The following RIMS2 variants were observed in gnomAD, a reference collection of about 807,000 sequenced individuals.
RIMS2 encodes regulating synaptic membrane exocytosis 2.
RIMS2 carries 59 observed loss-of-function variants against 174.4 expected under a neutral mutation model. That is an observed-to-expected ratio of 0.34 (90% CI 0.27 to 0.42). RIMS2 has a LOEUF of 0.42. Ranked by LOEUF, RIMS2 falls within the 10% of genes least tolerant of loss-of-function variation. The probability of loss-of-function intolerance (pLI) is 1.00; values close to 1 mark genes in which losing one functional copy is unlikely to be tolerated. For synonymous variants in RIMS2, 606 were observed against 572.5 expected (o/e 1.06, Z -0.84); for missense variants, 1,620 against 1,666.3 (o/e 0.97, Z 0.48).
chr8:104,144,404 A>C (rs1240924790), intron 19 of RIMS2, among the ~76,000 whole-genome samples: 1 of 152,312 alleles, frequency 6.6e-6, no homozygotes, highest in East Asian at 1.9e-4. Flanking sequence ...ATTAGCTAGA[A>C]ATCCATACTG....
chr8:103,524,214 C>T (rs925491358), intron 1 of RIMS2, among the ~76,000 whole-genome samples: 5 of 148,110 alleles, frequency 3.4e-5, no homozygotes, highest in African/African-American at 1.2e-4. Context: ...AAGAAATAGG[C>T]TAAGAAGAAA....
intron 19 of RIMS2, among the ~76,000 whole-genome samples, chr8:104,173,515 T>A (rs987581471): frequency 4.0e-5 from 6 of 151,794 alleles, no homozygotes; most frequent in African/African-American, 1.5e-4. Flanking sequence ...GTTTTGATCA[T>A]GAGAGTTTCC....
chr8:104,018,343 A>G (rs991264740), intron 19 of RIMS2, among the ~76,000 whole-genome samples: 42 of 152,212 alleles, frequency 2.8e-4, no homozygotes, highest in Non-Finnish European at 5.9e-5. Flanking sequence ...ACAATTTTAC[A>G]TAAGACTTTA....
intron 3 of RIMS2, among the ~76,000 whole-genome samples, chr8:103,794,703 C>T (rs1206146540): frequency 2.0e-5 from 3 of 152,138 alleles, no homozygotes; most frequent in Non-Finnish European, 4.4e-5. Context: ...GGGCTAATAT[C>T]CAGAATCTAC....
At chr8:104,044,948 G>A (rs188530999) in intron 19 of RIMS2, among the ~76,000 whole-genome samples, 1 of 151,902 alleles carries the variant, frequency 6.6e-6, no homozygotes. Context: ...TTTAGAAAAG[G>A]AAGCAGTAAA....
intron 19 of RIMS2, among the ~76,000 whole-genome samples, chr8:104,102,022 T>C (rs1273938515): frequency 6.6e-6 from 1 of 152,134 alleles, no homozygotes; most frequent in African/African-American, 2.4e-5. Flanking sequence ...CTTCACTATC[T>C]ACACGTATTA....
intron 2 of RIMS2, among the ~76,000 whole-genome samples, chr8:103,703,382 C>T (rs1408433012): frequency 2.0e-5 from 3 of 152,016 alleles, no homozygotes; most frequent in Non-Finnish European, 2.9e-5. Flanking sequence ...GGATTACAGT[C>T]GTACACCACC....
At chr8:104,190,173 A>G (rs368043550) in intron 19 of RIMS2, among the ~76,000 whole-genome samples, 2 of 152,042 alleles carry the variant, frequency 1.3e-5, no homozygotes, top group East Asian at 1.9e-4. Flanking sequence ...GTGGTGGTAC[A>G]TGGCTGTAGA....
chr8:103,810,641 A>G (rs535458429), intron 3 of RIMS2, among the ~76,000 whole-genome samples: 1 of 152,202 alleles, frequency 6.6e-6, no homozygotes, highest in Non-Finnish European at 1.5e-5. Flanking sequence ...TTTGATATAC[A>G]TATAGATACT....
intron 1 of RIMS2, among the ~76,000 whole-genome samples, chr8:103,693,801 G>T (rs1049299103): frequency 2.0e-5 from 3 of 152,134 alleles, no homozygotes; most frequent in African/African-American, 7.2e-5. Context: ...CATTTGGTCT[G>T]CAGGCTTTGT....
chr8:103,949,316 A>G (rs1294143313), intron 14 of RIMS2, among the ~76,000 whole-genome samples: 1 of 152,172 alleles, frequency 6.6e-6, no homozygotes, highest in Non-Finnish European at 1.5e-5. Context: ...TTTATCTGAC[A>G]TTTACAAAAC....
chr8:103,707,726 A>G (rs1279233046), intron 2 of RIMS2, among the ~76,000 whole-genome samples: 1 of 152,206 alleles, frequency 6.6e-6, no homozygotes, highest in Non-Finnish European at 1.5e-5. Context: ...GTCTCAAATC[A>G]GCACAGTACA....
At chr8:104,038,228 A>G (rs1421781647) in intron 19 of RIMS2, among the ~76,000 whole-genome samples, 3 of 151,972 alleles carry the variant, frequency 2.0e-5, no homozygotes, top group African/African-American at 7.2e-5. Context: ...ATTATATTTT[A>G]TATATCTTTT....
chr8:103,886,700 A>G (rs986564648), intron 4 of RIMS2, among the ~76,000 whole-genome samples: 2 of 151,594 alleles, frequency 1.3e-5, no homozygotes, highest in Non-Finnish European at 3.0e-5. Context: ...CTATGCATGT[A>G]TGGTTTATAG....
chr8:104,073,506 T>C (rs1428820581), intron 19 of RIMS2, among the ~76,000 whole-genome samples: 1 of 152,158 alleles, frequency 6.6e-6, no homozygotes, highest in Non-Finnish European at 1.5e-5. Flanking sequence ...TCTACAAAAT[T>C]ATCACAAAAA....
intron 14 of RIMS2, 110 bp from the exon 17 acceptor site, chr8:103,960,955 T>G: frequency 1.4e-6 from 1 of 709,758 alleles, no homozygotes; most frequent in Non-Finnish European, 2.5e-6. Flanking sequence ...ACATATTTTT[T>G]GTTATTAACT....
chr8:103,797,947 A>C (rs2098563094), intron 3 of RIMS2, among the ~76,000 whole-genome samples: 1 of 152,150 alleles, frequency 6.6e-6, no homozygotes, highest in African/African-American at 2.4e-5. Context: ...GTTGACAATA[A>C]ATTACATGGT....
At chr8:103,695,870 A>C (rs2097095128) in intron 1 of RIMS2, among the ~76,000 whole-genome samples, 1 of 151,932 alleles carries the variant, frequency 6.6e-6, no homozygotes, top group African/African-American at 2.4e-5. Flanking sequence ...GGCCACTTTC[A>C]AAGGTTTTTC....
chr8:104,219,221 G>A (rs2099144525), intron 19 of RIMS2, among the ~76,000 whole-genome samples: 1 of 152,172 alleles, frequency 6.6e-6, no homozygotes, highest in South Asian at 2.1e-4. Flanking sequence ...TGGTTTTACA[G>A]ATGCATTGTC....
Sources: allele counts gnomAD v4.1 joint callset (sites outside exome capture counted in the v4.1 genomes callset), GRCh38; gene constraint gnomAD v4.1.1; transcripts MANE v1.5; gene names NCBI Gene and HGNC (gene_info 2026-07-23, HGNC 2026-07-21).